IQCM: variants seen among roughly 807,000 people sequenced by gnomAD.
IQCM encodes the protein IQ motif containing M.
In IQCM, 45 loss-of-function variants were observed where a neutral mutation model predicts 57.6. The observed-to-expected ratio is 0.78, with a 90% CI of 0.62 to 1.00. IQCM has a LOEUF of 1.00. Among genes scored for constraint, IQCM ranks in the 50% least tolerant of loss-of-function variants. The pLI is 0.00. For missense variants in IQCM, 468 were observed against 511.6 expected, an observed-to-expected ratio of 0.91 and a Z score of 0.82; for synonymous variants, 148 against 158.9, an observed-to-expected ratio of 0.93 and a Z score of 0.51.
intron 2 of IQCM, among the ~76,000 whole-genome samples, chr4:149,773,362 AAAG>A (rs1770775545): frequency 6.6e-6 from 1 of 152,014 alleles, no homozygotes; most frequent in Non-Finnish European, 1.5e-5. Flanking sequence ...AAAAAAAAAA[AAAG>A]AAAGAATTAA....
chr4:149,630,530 A>C (rs983140015), intron 7 of IQCM, among the ~76,000 whole-genome samples: 1 of 152,178 alleles, frequency 6.6e-6, no homozygotes, highest in African/African-American at 2.4e-5. Flanking sequence ...GGAAGCAATA[A>C]TTAATTAGTT....
intron 9 of IQCM, among the ~76,000 whole-genome samples, chr4:149,587,290 T>C (rs1168657998): frequency 1.3e-5 from 2 of 151,790 alleles, no homozygotes; most frequent in South Asian, 2.1e-4. Flanking sequence ...CTCCAGTGCC[T>C]TCAAATATTC....
intron 13 of IQCM, among the ~76,000 whole-genome samples, chr4:149,362,178 G>C (rs1235985811): frequency 6.6e-6 from 1 of 152,116 alleles, no homozygotes; most frequent in Non-Finnish European, 1.5e-5. Context: ...ATTGTATCTA[G>C]GGAGTAACTA....
chr4:149,621,257 T>G lies in IQCM; in HGVS notation c.566-13A>C, dbSNP rs1024293716. 52 of 1,159,478 alleles carry G rather than the reference T, an allele frequency of 4.5e-5. No homozygotes were observed. Among genetic ancestry groups the G allele is most frequent in the Non-Finnish European group, 5.4e-5 (50 of 921,668 alleles). 71.8% of individuals were successfully genotyped at this position (1,159,478 alleles called of 1,614,324 possible). A position where few individuals can be genotyped will look rare whatever the true frequency, so the allele number is the denominator to read the frequency against. ...TAGAATGCTTTGTCTGTTAGAAATA[T>G]CAATGCAGGTTAAAACAATATCTAT... On this transcript the variant is annotated splice_polypyrimidine_tract_variant and intron_variant, in intron 7 of 13. Coordinates refer to ENST00000636793, the MANE Select transcript of IQCM (RefSeq NM_001363507.2).
chr4:149,559,943 G>T (rs1419546297), intron 10 of IQCM, among the ~76,000 whole-genome samples: 1 of 152,190 alleles, frequency 6.6e-6, no homozygotes, highest in Non-Finnish European at 1.5e-5. Flanking sequence ...AACTGCACAT[G>T]CAGGGGATCC....
At chr4:149,386,293 G>T (rs1731421276) in intron 13 of IQCM, among the ~76,000 whole-genome samples, 1 of 151,926 alleles carries the variant, frequency 6.6e-6, no homozygotes, top group African/African-American at 2.4e-5. Context: ...AATCTCATGG[G>T]CACATATTTT....
At chr4:149,486,470 C>T (rs1741525421) in intron 12 of IQCM, among the ~76,000 whole-genome samples, 1 of 152,096 alleles carries the variant, frequency 6.6e-6, no homozygotes, top group Non-Finnish European at 1.5e-5. Context: ...AAAGCTCGGC[C>T]AGGCACTGTG....
At chr4:149,740,733 T>A (rs140871844) in intron 3 of IQCM, among the ~76,000 whole-genome samples, 6 of 152,252 alleles carry the variant, frequency 3.9e-5, no homozygotes, top group African/African-American at 1.4e-4. Flanking sequence ...TTCCTAAGTT[T>A]TATTTTGCAG....
At chr4:149,512,244 A>C (rs1744500742) in intron 12 of IQCM, among the ~76,000 whole-genome samples, 1 of 152,058 alleles carries the variant, frequency 6.6e-6, no homozygotes, top group Non-Finnish European at 1.5e-5. Context: ...AGCTTAAGTA[A>C]GTAGTTTATA....
chr4:149,452,594 G>A (rs1737237404), intron 12 of IQCM, among the ~76,000 whole-genome samples: 1 of 151,400 alleles, frequency 6.6e-6, no homozygotes, highest in African/African-American at 2.4e-5. Context: ...AAACTTTTTT[G>A]AGGAATAATT....
chr4:149,500,910 T>A (rs1263093633), intron 12 of IQCM, among the ~76,000 whole-genome samples: 1 of 152,190 alleles, frequency 6.6e-6, no homozygotes, highest in Non-Finnish European at 1.5e-5. Context: ...AACAATGACA[T>A]AATACCAATC....
At chr4:149,499,538 G>T (rs926199478) in intron 12 of IQCM, among the ~76,000 whole-genome samples, 11 of 152,186 alleles carry the variant, frequency 7.2e-5, no homozygotes, top group Non-Finnish European at 1.0e-4. Flanking sequence ...AAATCTAGCT[G>T]ATTTCCCTTT....
At chr4:149,644,145 T>C (rs3913650) in intron 7 of IQCM, among the ~76,000 whole-genome samples, 150,583 of 152,300 alleles carry the variant, frequency 0.99, 74,444 homozygotes, top group Middle Eastern at 1. Flanking sequence ...ATGCTCAGCA[T>C]CTCCTTTTCT....
intron 7 of IQCM, among the ~76,000 whole-genome samples, chr4:149,670,564 A>G (rs1384847858): frequency 3.3e-5 from 5 of 152,166 alleles, no homozygotes; most frequent in African/African-American, 1.2e-4. Flanking sequence ...CAGTTTTCAA[A>G]GGGAATGTTT....
chr4:149,538,699 T>C (rs1179690078), intron 12 of IQCM, among the ~76,000 whole-genome samples: 1 of 151,840 alleles, frequency 6.6e-6, no homozygotes, highest in Admixed American at 6.6e-5. Flanking sequence ...AAGAGCTAAG[T>C]CATTAAAATA....
At chr4:149,783,079 G>C (rs1379200855) in intron 2 of IQCM, among the ~76,000 whole-genome samples, 2 of 152,064 alleles carry the variant, frequency 1.3e-5, no homozygotes, top group Non-Finnish European at 2.9e-5. Context: ...TATATCTATA[G>C]TACAGAACTC....
intron 9 of IQCM, among the ~76,000 whole-genome samples, chr4:149,566,648 TAAG>T (rs1259691454): frequency 2.6e-5 from 4 of 152,096 alleles, no homozygotes; most frequent in Non-Finnish European, 5.9e-5. Context: ...ACGTAAAAAA[TAAG>T]AAGAAATACA....
At chr4:149,639,579 A>T (rs1272144525) in intron 7 of IQCM, among the ~76,000 whole-genome samples, 3 of 152,104 alleles carry the variant, frequency 2.0e-5, no homozygotes, top group Non-Finnish European at 4.4e-5. Context: ...TATTCCTGAA[A>T]GGTTAAAAGC....
intron 13 of IQCM, among the ~76,000 whole-genome samples, chr4:149,355,498 G>GT (rs1385538261): frequency 1.3e-5 from 2 of 149,774 alleles, no homozygotes; most frequent in Non-Finnish European, 1.5e-5. Context: ...GCGGTGTTTG[G>GT]TTTTTTGTCC....
Sources: gnomAD v4.1 joint callset for allele counts (sites outside exome capture counted in the v4.1 genomes callset) on GRCh38, gnomAD v4.1.1 for gene constraint, MANE v1.5 for transcripts, NCBI Gene and HGNC (gene_info 2026-07-23, HGNC 2026-07-21) for gene names.